The following PDGFRA variants were observed in gnomAD, a reference collection of about 807,000 sequenced individuals.
The protein encoded by PDGFRA is platelet derived growth factor receptor alpha.
In PDGFRA, 25 loss-of-function variants were observed where a neutral mutation model predicts 121.5. The ratio of observed to expected loss-of-function variants is 0.21; its 90% CI spans 0.15 to 0.29. The LOEUF (loss-of-function observed/expected upper bound fraction) is 0.29. Ranked by LOEUF, PDGFRA falls within the 10% of genes least tolerant of loss-of-function variation. The pLI, the probability that PDGFRA is intolerant of heterozygous loss-of-function variation, is 1.00. For synonymous variants in PDGFRA, 463 were observed against 494.8 expected (o/e 0.94, Z 0.85); for missense variants, 1,008 against 1,345.1 (o/e 0.75, Z 3.92).
At chr4:54,257,040 A>T (rs1350045515) in intron 1 of PDGFRA, among the ~76,000 whole-genome samples, 2 of 152,148 alleles carry the variant, frequency 1.3e-5, no homozygotes, top group East Asian at 1.9e-4. Context: ...TAAACAAATT[A>T]AAAAACCCCA....
chr4:54,255,394 A>G (rs1218702951), intron 1 of PDGFRA, among the ~76,000 whole-genome samples: 1 of 152,172 alleles, frequency 6.6e-6, no homozygotes, highest in Non-Finnish European at 1.5e-5. Flanking sequence ...AGCAAAATAC[A>G]TGATCAGGCA....
At chr4:54,279,099 G>A (rs1723923813) in intron 15 of PDGFRA, 2 of 294,054 alleles carry the variant, frequency 6.8e-6, no homozygotes, top group Admixed American at 8.2e-5. Flanking sequence ...TGGCCACACG[G>A]CTCAAGTTCC....
intron 1 of PDGFRA, among the ~76,000 whole-genome samples, chr4:54,250,384 C>T (rs1721985715): frequency 6.6e-6 from 1 of 152,128 alleles, no homozygotes; most frequent in Non-Finnish European, 1.5e-5. Flanking sequence ...ATTAGGTCCC[C>T]TAAAGTCCAA....
intron 2 of PDGFRA, 25 bp from the exon 3 acceptor site, chr4:54,261,070 A>C: frequency 6.2e-7 from 1 of 1,608,350 alleles, no homozygotes; most frequent in Non-Finnish European, 8.5e-7. Flanking sequence ...ACTGCATCCT[A>C]TTCAGAGCGT....
intron 14 of PDGFRA, 81 bp from the exon 15 acceptor site, chr4:54,278,281 G>C (rs568277056): frequency 1.9e-6 from 2 of 1,051,970 alleles, no homozygotes; most frequent in African/African-American, 1.7e-5. Flanking sequence ...TTTTTTCTGT[G>C]CCATATGGTC....
chr4:54,233,180 C>A (rs1007536939), intron 1 of PDGFRA, among the ~76,000 whole-genome samples: 32 of 151,616 alleles, frequency 2.1e-4, no homozygotes, highest in African/African-American at 7.5e-4. Context: ...GCGCGGCGCG[C>A]AGGGGCGCAG....
In PDGFRA at chr4:54,241,514, AATTTATTTATTT is replaced by A. The variant is rs34623203; in HGVS notation, c.-13+12130_-13+12141del. 9.2e-4 allele frequency among the ~76,000 whole-genome samples: 137 copies of A among 148,470 alleles called. No individual in the cohort carries two copies. In the Middle Eastern group the frequency reaches 0.014, roughly 15 times the overall value. ...ATGTAATTAGCCATAACTGAAAGGA[AATTTATTTATTT>A]ATTTATTTATTTATTTATTTATTTA... is the stretch of plus-strand genomic sequence containing the variant. On this transcript the variant is annotated intron_variant, in intron 1 of 22. Transcript: ENST00000257290.
intron 1 of PDGFRA, chr4:54,239,926 C>T (rs1042556667): frequency 5.5e-6 from 1 of 180,196 alleles, no homozygotes; most frequent in Non-Finnish European, 1.2e-5. Flanking sequence ...TCATGGCTCA[C>T]TGAAGCCTGG....
chr4:54,247,758 G>C (rs140430930), intron 1 of PDGFRA, among the ~76,000 whole-genome samples: 1 of 152,084 alleles, frequency 6.6e-6, no homozygotes, highest in Non-Finnish European at 1.5e-5. Context: ...AGAGTATTCA[G>C]TTAGGAAAAG....
At position 54,298,242 on chromosome 4, in the gene PDGFRA, G is replaced by T. The variant is rs752208389; in HGVS notation, c.*2970G>T. 4.9e-4 allele frequency: 91 copies of T among 185,344 alleles called. No individual in the cohort carries two copies. Among genetic ancestry groups the T allele is most frequent in the Admixed American group, 8.7e-4 (14 of 16,136 alleles). The allele number at this position is 185,344 out of a possible 1,614,324, so 11.5% of individuals were successfully genotyped here. On this transcript the variant is annotated 3_prime_UTR_variant, in exon 23 of 23. Transcript: ENST00000257290. ...TTCAATAAATGATATATAATTTAAA[G>T]TTATACTAAGGTTTCAGCATTTTTG...
At chr4:54,244,471 C>A (rs1028599899) in intron 1 of PDGFRA, among the ~76,000 whole-genome samples, 1 of 152,330 alleles carries the variant, frequency 6.6e-6, no homozygotes, top group South Asian at 2.1e-4. Flanking sequence ...CTGGAGTGGA[C>A]CTTTAGCAAA....
At chr4:54,287,344 G>T in intron 18 of PDGFRA, 86 bp from the exon 19 acceptor site, 2 of 775,032 alleles carry the variant, frequency 2.6e-6, no homozygotes, top group Non-Finnish European at 4.8e-6. Context: ...GTTATTAAGA[G>T]CCCAAGGGGA....
At chr4:54,261,443 T>G (rs778420998) in intron 3 of PDGFRA, 31 bp downstream of exon 3, 7 of 1,473,640 alleles carry the variant, frequency 4.8e-6, no homozygotes, top group South Asian at 4.5e-5. Flanking sequence ...GGACCAAGCT[T>G]CTTCTCTTCC....
At chr4:54,255,884 A>C (rs1425436840) in intron 1 of PDGFRA, among the ~76,000 whole-genome samples, 1 of 152,154 alleles carries the variant, frequency 6.6e-6, no homozygotes, top group African/African-American at 2.4e-5. Context: ...TTTAGCTTCC[A>C]AAGTCAGTGA....
chr4:54,274,801 C>T (rs374621295), intron 11 of PDGFRA, 40 bp from the exon 12 acceptor site: 2 of 1,612,316 alleles, frequency 1.2e-6, no homozygotes, highest in Non-Finnish European at 1.7e-6. Flanking sequence ...TGCACTGGGA[C>T]TTTGGTAATT....
chr4:54,246,989 G>A (rs1280057924), intron 1 of PDGFRA, among the ~76,000 whole-genome samples: 10 of 152,152 alleles, frequency 6.6e-5, no homozygotes, highest in East Asian at 1.9e-4. Flanking sequence ...TAAATTCCTC[G>A]ACACATACAC....
intron 1 of PDGFRA, among the ~76,000 whole-genome samples, chr4:54,233,432 C>A (rs1253049372): frequency 2.0e-5 from 3 of 152,244 alleles, no homozygotes; most frequent in Non-Finnish European, 4.4e-5. Context: ...GGCGAGCTAG[C>A]TGGCGAGCCG....
rs117448328 is a variant in PDGFRA at position 54,285,253 on chromosome 4, A to G, written c.2324-118A>G. The G allele has an allele frequency of 9.3e-4, 657 of 705,506 alleles. 9 individuals are homozygous for G. In the East Asian group the frequency reaches 0.011, roughly 11 times the overall value. The allele number at this position is 705,506 out of a possible 1,614,324, so 43.7% of individuals were successfully genotyped here. On this transcript the variant is annotated intron_variant, in intron 16 of 22. Transcript: ENST00000257290. ...ATAGTGATATTCATCTGTGAGATCT[A>G]AACATTCTACAAAAAAATTAAGAAA...
intron 1 of PDGFRA, among the ~76,000 whole-genome samples, chr4:54,249,791 T>G (rs1721943380): frequency 6.6e-6 from 1 of 151,902 alleles, no homozygotes; most frequent in Non-Finnish European, 1.5e-5. Flanking sequence ...ATAATAATAA[T>G]AAAATAAAAA....
Sources: allele counts gnomAD v4.1 joint callset (sites outside exome capture counted in the v4.1 genomes callset), GRCh38; gene constraint gnomAD v4.1.1; transcripts MANE v1.5; gene names NCBI Gene and HGNC (gene_info 2026-07-23, HGNC 2026-07-21).